Variants in PPP2R2A observed in about 807,000 individuals in gnomAD.
The protein encoded by PPP2R2A is serine/threonine-protein phosphatase 2A 55 kDa regulatory subunit B alpha isoform.
In PPP2R2A, 9 loss-of-function variants were observed where a neutral mutation model predicts 53.2. The ratio of observed to expected loss-of-function variants is 0.17; its 90% confidence interval spans 0.10 to 0.30. The LOEUF is 0.30. PPP2R2A is among the 10% of genes least tolerant of loss of function. PPP2R2A has a pLI of 1.00. For synonymous variants in PPP2R2A, 169 were observed against 174.2 expected, an observed-to-expected ratio of 0.97 and a Z score of 0.23; for missense variants, 235 against 534.6, an observed-to-expected ratio of 0.44 and a Z score of 5.53.
intron 4 of PPP2R2A, among the ~76,000 whole-genome samples, chr8:26,355,077 A>G (rs1804702688): frequency 6.6e-6 from 1 of 152,156 alleles, no homozygotes; most frequent in African/African-American, 2.4e-5. Flanking sequence ...CCTCCTTTTT[A>G]AGTGTTTGTA....
At chr8:26,344,251 G>A (rs946067234) in intron 3 of PPP2R2A, among the ~76,000 whole-genome samples, 6 of 152,144 alleles carry the variant, frequency 3.9e-5, no homozygotes, top group Admixed American at 6.5e-5. Context: ...ATATCTTGAT[G>A]TATTACAAAT....
At chr8:26,298,721 C>T (rs1032517499) in intron 2 of PPP2R2A, 2 of 152,174 alleles carry the variant, frequency 1.3e-5, no homozygotes, top group Non-Finnish European at 2.9e-5. Context: ...CCCTGTCACC[C>T]GGCGTTGTCA....
chr8:26,300,573 T>C (rs1801734465), intron 2 of PPP2R2A, among the ~76,000 whole-genome samples: 4 of 152,122 alleles, frequency 2.6e-5, no homozygotes, highest in Admixed American at 2.6e-4. Flanking sequence ...AAGTAAAAGC[T>C]GGCGGGGCGC....
At chr8:26,302,367 CAT>C (rs1296568262) in intron 2 of PPP2R2A, among the ~76,000 whole-genome samples, 1 of 152,186 alleles carries the variant, frequency 6.6e-6, no homozygotes, top group East Asian at 1.9e-4. Flanking sequence ...AATCAGTAGT[CAT>C]ATTAACGAAT....
chr8:26,351,765 A>G (rs1804527057), intron 3 of PPP2R2A, among the ~76,000 whole-genome samples: 1 of 152,152 alleles, frequency 6.6e-6, no homozygotes, highest in South Asian at 2.1e-4. Flanking sequence ...GTTCTGTTTC[A>G]TTGGCACATT....
chr8:26,321,367 C>G lies in PPP2R2A; in HGVS notation c.83-17523C>G, dbSNP rs1802832638. On this transcript the variant is annotated intron_variant, in intron 2 of 9. Transcript: ENST00000380737. This position sits in a 1 kb window ranked among gnomAD's most constrained non-coding sequence, Gnocchi z 4.1. ...TGAAACTCTGCCCCCAGGCTGCCTT[C>G]TTTGTCAGGCAGCCGCTTAAGGTGG... Among the ~76,000 whole-genome samples the G allele has an allele frequency of 6.6e-6, 1 of 152,180 alleles. No individual in the cohort carries two copies. The highest frequency in any genetic ancestry group is 1.9e-4 in the East Asian group (1 of 5,198).
intron 8 of PPP2R2A, among the ~76,000 whole-genome samples, chr8:26,364,364 G>T (rs1259694660): frequency 1.3e-5 from 2 of 152,166 alleles, no homozygotes; most frequent in Non-Finnish European, 2.9e-5. Context: ...TAAAAGAAAG[G>T]GCTTGAAAGC....
rs900265390 is a variant in PPP2R2A at position 26,371,923 on chromosome 8, G to A, written c.*1510G>A. 6.6e-6 allele frequency: 1 copy of A among 152,140 alleles called. No individual in the cohort carries two copies. Among genetic ancestry groups the A allele is most frequent in the Non-Finnish European group, 1.5e-5 (1 of 68,006 alleles). 9.4% of individuals were successfully genotyped at this position (152,140 alleles called of 1,614,324 possible). ...GGACTTTATTTTTGAAAGGTGAAAT[G>A]AACAGGCATTTATATTATTAGAGAA... On this transcript the variant is annotated 3_prime_UTR_variant, in exon 10 of 10. Transcript: ENST00000380737.
Position 26,360,871 on chromosome 8 carries a change from T to C in PPP2R2A, c.460-103T>C. ...ACTAAATCTATGTAATATTGTTCTA[T>C]TTTATGTTCTCAAAAACTGAAATAA... On this transcript the variant is annotated intron_variant, in intron 5 of 9. Transcript: ENST00000380737. The surrounding 1 kb of genome is among the most constrained non-coding windows in gnomAD (Gnocchi z 4.5). The C allele has an allele frequency of 8.7e-7, 1 of 1,143,122 alleles. No individual in the cohort carries two copies. The allele number at this position is 1,143,122 out of a possible 1,614,324, so 70.8% of individuals were successfully genotyped here. A position where few individuals can be genotyped will look rare whatever the true frequency, so the allele number is the denominator to read the frequency against.
At chr8:26,294,983 T>G (rs1801482153) in intron 2 of PPP2R2A, among the ~76,000 whole-genome samples, 1 of 152,194 alleles carries the variant, frequency 6.6e-6, no homozygotes, top group Non-Finnish European at 1.5e-5. Flanking sequence ...AAGTCAGTGG[T>G]GTTTGACTTG....
intron 2 of PPP2R2A, among the ~76,000 whole-genome samples, chr8:26,337,309 A>C (rs1366597499): frequency 1.3e-5 from 2 of 152,182 alleles, no homozygotes; most frequent in African/African-American, 4.8e-5. Flanking sequence ...TGGACTTACG[A>C]GAAAGAATTT....
chr8:26,301,780 A>G (rs919466742), intron 2 of PPP2R2A, among the ~76,000 whole-genome samples: 3 of 152,144 alleles, frequency 2.0e-5, no homozygotes, highest in South Asian at 2.1e-4. Flanking sequence ...AGTAAAAACT[A>G]TTTTCACAGT....
chr8:26,319,942 T>G (rs1163756413), intron 2 of PPP2R2A, among the ~76,000 whole-genome samples: 1 of 152,236 alleles, frequency 6.6e-6, no homozygotes, highest in Non-Finnish European at 1.5e-5. Context: ...ATTGTTCTCT[T>G]AAGTTCCTTT....
chr8:26,360,053 G>GTTT lies in PPP2R2A; in HGVS notation c.347-105_347-103dup. 2.8e-5 allele frequency: 12 copies of GTTT among 428,096 alleles called. No homozygotes were observed. Among genetic ancestry groups the GTTT allele is most frequent in the South Asian group, 1.0e-4 (3 of 28,600 alleles). The allele number at this position is 428,096 out of a possible 1,614,324, so 26.5% of individuals were successfully genotyped here. On this transcript the variant is annotated intron_variant, in intron 4 of 9. Coordinates refer to ENST00000380737, the MANE Select transcript of PPP2R2A (RefSeq NM_002717.4). The surrounding 1 kb of genome is among the most constrained non-coding windows in gnomAD (Gnocchi z 4.5). ...AATTTTTTAGTAAGTTCAGATTAGG[G>GTTT]TTTTTTTTTTTTTCGTGGAATCCTT...
rs773447276 is a variant in PPP2R2A, at chr8:26,338,878, T to C, written c.83-12T>C. 2.0e-6 allele frequency: 3 copies of C among 1,526,268 alleles called. No homozygotes were observed. The highest frequency in any genetic ancestry group is 4.6e-5 in the East Asian group (2 of 43,840). 94.5% of individuals were successfully genotyped at this position (1,526,268 alleles called of 1,614,324 possible). On this transcript the variant is annotated splice_polypyrimidine_tract_variant and intron_variant, in intron 2 of 9. Transcript: ENST00000380737. The surrounding 1 kb of genome is among the most constrained non-coding windows in gnomAD (Gnocchi z 4.5). The stretch of plus-strand genomic sequence containing the variant: ...AACTAATATCTTTTTTTGTTTTGTC[T>C]CAATTATACAGCAGATATAATTTCT...
At chr8:26,357,099 A>G (rs1804821662) in intron 4 of PPP2R2A, among the ~76,000 whole-genome samples, 1 of 152,240 alleles carries the variant, frequency 6.6e-6, no homozygotes, top group Non-Finnish European at 1.5e-5. Flanking sequence ...TGAGAATCAT[A>G]TGAACTGTTG....
intron 3 of PPP2R2A, among the ~76,000 whole-genome samples, chr8:26,345,341 A>G (rs1471212848): frequency 6.6e-6 from 1 of 152,136 alleles, no homozygotes; most frequent in Non-Finnish European, 1.5e-5. Context: ...TATTCTTATT[A>G]TTAATAATTT....
chr8:26,351,541 G>C (rs1804513512), intron 3 of PPP2R2A, among the ~76,000 whole-genome samples: 1 of 152,100 alleles, frequency 6.6e-6, no homozygotes, highest in Admixed American at 6.5e-5. Context: ...AAGTTCTCTT[G>C]GGTCCTGTTA....
rs112640053 is a variant in PPP2R2A at position 26,369,997 on chromosome 8, T to C, written c.1065-137T>C. 1.7e-3 allele frequency: 1,342 copies of C among 790,218 alleles called. 14 individuals carry two copies. In the African/African-American group the frequency reaches 0.021, roughly 12 times the overall value. 49.0% of individuals were successfully genotyped at this position (790,218 alleles called of 1,614,324 possible). ...TTTCTGGTTTATTCTAGTGATTGAG[T>C]TGATGTCAACAGCCCCTGTCCCTTA... On this transcript the variant is annotated intron_variant, in intron 9 of 9. Transcript: ENST00000380737.
Sources: allele counts gnomAD v4.1 joint callset (sites outside exome capture counted in the v4.1 genomes callset), GRCh38; gene constraint gnomAD v4.1.1; non-coding constraint Gnocchi (gnomAD v3.1); transcripts MANE v1.5; gene names NCBI Gene and HGNC (gene_info 2026-07-23, HGNC 2026-07-21).